Variants in KIAA1217 observed in about 807,000 individuals in gnomAD.
The protein encoded by KIAA1217 is KIAA1217, also known as sickle tail protein homolog.
In KIAA1217, 88 loss-of-function variants were observed where a neutral mutation model predicts 163.9. The observed-to-expected ratio is 0.54, with a 90% CI of 0.45 to 0.64. The LOEUF is 0.64. Ranked by LOEUF, KIAA1217 falls within the 30% of genes least tolerant of loss-of-function variation. The pLI, the probability that KIAA1217 is intolerant of heterozygous loss-of-function variation, is 0.00. For missense variants in KIAA1217, 2,372 were observed against 2,475.0 expected, an observed-to-expected ratio of 0.96 and a Z score of 0.88; for synonymous variants, 903 against 923.1, an observed-to-expected ratio of 0.98 and a Z score of 0.39.
intron 1 of KIAA1217, among the ~76,000 whole-genome samples, chr10:23,789,318 A>G (rs535015521): frequency 7.9e-5 from 12 of 152,306 alleles, no homozygotes; most frequent in African/African-American, 2.9e-4. Context: ...TGTACAGTAC[A>G]CTGATTATCT....
intron 2 of KIAA1217, chr10:24,255,422 C>T (rs2075038900): frequency 2.6e-6 from 1 of 387,236 alleles, no homozygotes; most frequent in Admixed American, 3.0e-5. Context: ...CGGGTCCCGC[C>T]ACCCGTGGGC....
chr10:24,412,011 G>A (rs892451997), intron 3 of KIAA1217, among the ~76,000 whole-genome samples: 1 of 152,048 alleles, frequency 6.6e-6, no homozygotes, highest in Non-Finnish European at 1.5e-5. Flanking sequence ...CGCCGAGGGT[G>A]GGTTAGTAAC....
In KIAA1217 at chr10:23,766,817, C is replaced by T. The variant is rs910045509; in HGVS notation, c.-321+71583C>T. On this transcript the variant is annotated intron_variant, in intron 1 of 18. Coordinates refer to the KIAA1217 transcript ENST00000376462. ...TTGGCCAGACGGGTCATCTCGAACT[C>T]GTGCCCTCAAATGATCTGCCTGCCT... 5.3e-5 allele frequency among the ~76,000 whole-genome samples: 8 copies of T among 152,222 alleles called. No individual in the cohort carries two copies. The South Asian group carries it at 6.2e-4, about 12-fold the overall frequency.
intron 2 of KIAA1217, among the ~76,000 whole-genome samples, chr10:24,181,494 G>A (rs925361105): frequency 2.0e-5 from 3 of 152,206 alleles, no homozygotes; most frequent in African/African-American, 4.8e-5. Flanking sequence ...GCAAGGTAAT[G>A]CATGGCTGGA....
intron 1 of KIAA1217, among the ~76,000 whole-genome samples, chr10:23,902,987 G>A (rs572459509): frequency 2.3e-4 from 35 of 152,178 alleles, no homozygotes; most frequent in East Asian, 1.6e-3. Context: ...AGGGTGTAGC[G>A]TTGGAAATGG....
At chr10:23,972,074 C>A (rs1361614853) in intron 1 of KIAA1217, among the ~76,000 whole-genome samples, 4 of 152,168 alleles carry the variant, frequency 2.6e-5, no homozygotes, top group African/African-American at 9.7e-5. Flanking sequence ...ATGTATAAAA[C>A]CAAGCTGTAG....
At chr10:24,408,029 G>A (rs994307560) in intron 3 of KIAA1217, among the ~76,000 whole-genome samples, 18 of 152,130 alleles carry the variant, frequency 1.2e-4, no homozygotes, top group East Asian at 1.2e-3. Context: ...CATATAGCAT[G>A]TGGTTAACAG....
At chr10:23,826,423 T>C (rs1007697791) in intron 1 of KIAA1217, among the ~76,000 whole-genome samples, 1 of 152,148 alleles carries the variant, frequency 6.6e-6, no homozygotes, top group African/African-American at 2.4e-5. Flanking sequence ...CATGGTAGCA[T>C]GTGCCTGCAG....
At chr10:24,297,008 A>G (rs2040700290) in intron 2 of KIAA1217, among the ~76,000 whole-genome samples, 1 of 152,234 alleles carries the variant, frequency 6.6e-6, no homozygotes, top group African/African-American at 2.4e-5. Context: ...ACAGAAGGAC[A>G]TGAGACTGTA....
Position 23,771,568 on chromosome 10 carries a change from C to A in KIAA1217, c.-321+76334C>A, listed in dbSNP as rs756396654. Among the ~76,000 whole-genome samples, 20 of 152,176 alleles carry A rather than the reference C, an allele frequency of 1.3e-4. 1 individual carries two copies. Among genetic ancestry groups the A allele is most frequent in the Admixed American group, 1.1e-3 (17 of 15,274 alleles). On this transcript the variant is annotated intron_variant, in intron 1 of 18. Transcript: ENST00000376462. The stretch of plus-strand genomic sequence containing the variant: ...ACAGATAAACTTTTAAATGTTAAGG[C>A]ACAATAGAATTTTATTGGTCAGGTA...
At chr10:23,915,331 A>G (rs566070183) in intron 1 of KIAA1217, among the ~76,000 whole-genome samples, 12 of 152,234 alleles carry the variant, frequency 7.9e-5, no homozygotes, top group African/African-American at 2.6e-4. Context: ...TGGGAAAACA[A>G]GAGTTTACCA....
intron 1 of KIAA1217, among the ~76,000 whole-genome samples, chr10:23,847,725 G>C (rs2131085848): frequency 6.6e-6 from 1 of 152,046 alleles, no homozygotes; most frequent in East Asian, 1.9e-4. Flanking sequence ...CTTCAGTTCT[G>C]CTCTGATATT....
At chr10:24,409,681 C>T (rs1344417451) in intron 3 of KIAA1217, among the ~76,000 whole-genome samples, 6 of 152,070 alleles carry the variant, frequency 3.9e-5, no homozygotes, top group African/African-American at 7.2e-5. Flanking sequence ...GTGAGATTTT[C>T]GTGCACCCAT....
chr10:24,293,816 C>T (rs143343648), intron 2 of KIAA1217, among the ~76,000 whole-genome samples: 1 of 152,316 alleles, frequency 6.6e-6, no homozygotes, highest in East Asian at 1.9e-4. Flanking sequence ...ATGAAGCTCA[C>T]AGATAGAGTG....
At chr10:24,062,988 T>G (rs1474318950) in intron 2 of KIAA1217, among the ~76,000 whole-genome samples, 2 of 149,628 alleles carry the variant, frequency 1.3e-5, no homozygotes, top group East Asian at 2.0e-4. Context: ...GATGGGGTTG[T>G]TTTTTTTTTC....
intron 2 of KIAA1217, among the ~76,000 whole-genome samples, chr10:24,014,391 A>G (rs918999345): frequency 7.9e-5 from 12 of 152,204 alleles, no homozygotes; most frequent in South Asian, 2.1e-4. Flanking sequence ...TTTGAAATAA[A>G]CAAATCACTG....
chr10:24,033,791 TACAA>T (rs1848285903), intron 2 of KIAA1217, among the ~76,000 whole-genome samples: 2 of 152,228 alleles, frequency 1.3e-5, no homozygotes, highest in Non-Finnish European at 2.9e-5. Flanking sequence ...CACCTGTTTT[TACAA>T]ACAAAGTTTT....
At chr10:23,857,649 G>A (rs374352800) in intron 1 of KIAA1217, among the ~76,000 whole-genome samples, 2 of 152,232 alleles carry the variant, frequency 1.3e-5, no homozygotes, top group African/African-American at 2.4e-5. Context: ...CGGTTTGCAC[G>A]CTTTTGATGC....
intron 2 of KIAA1217, among the ~76,000 whole-genome samples, chr10:24,257,863 C>G (rs940581005): frequency 2.0e-5 from 3 of 152,120 alleles, no homozygotes; most frequent in Admixed American, 2.0e-4. Context: ...TGATGCTTCC[C>G]CTAGGCCCCA....
Sources: gnomAD v4.1 joint callset for allele counts (sites outside exome capture counted in the v4.1 genomes callset) on GRCh38, gnomAD v4.1.1 for gene constraint, MANE v1.5 for transcripts, NCBI Gene and HGNC (gene_info 2026-07-23, HGNC 2026-07-21) for gene names.